The following CABIN1 variants were observed in gnomAD, a reference collection of about 807,000 sequenced individuals.
CABIN1 encodes calcineurin binding protein 1, also known as calcineurin-binding protein cabin-1.
A neutral mutation model predicts 227.7 loss-of-function variants in CABIN1; 133 were observed. That is an observed-to-expected ratio of 0.58 (90% CI 0.51 to 0.67). CABIN1 has a LOEUF of 0.67. Ranked by LOEUF, CABIN1 falls within the 30% of genes least tolerant of loss-of-function variation. The pLI is 0.00. For synonymous variants in CABIN1, 1,086 were observed against 1,155.1 expected (o/e 0.94, Z 1.21); for missense variants, 2,408 against 2,852.5 (o/e 0.84, Z 3.55).
chr22:24,164,697 TC>T (rs1438499693), intron 30 of CABIN1, 134 bp downstream of exon 30: 2 of 1,050,674 alleles, frequency 1.9e-6, no homozygotes, highest in African/African-American at 3.1e-5. Flanking sequence ...CTCTTCATTC[TC>T]CTTGGGGGCC....
At chr22:24,017,073 C>T (rs2035349697) in intron 1 of CABIN1, among the ~76,000 whole-genome samples, 1 of 147,396 alleles carries the variant, frequency 6.8e-6, no homozygotes, top group Non-Finnish European at 1.5e-5. Flanking sequence ...ATGGAGTCTC[C>T]CTCACCAGGC....
intron 26 of CABIN1, among the ~76,000 whole-genome samples, chr22:24,108,149 C>T (rs2042619236): frequency 1.3e-5 from 2 of 152,200 alleles, no homozygotes; most frequent in African/African-American, 2.4e-5. Context: ...CAATGGCAAT[C>T]GTGTTAAAAA....
At chr22:24,091,549 G>C in intron 23 of CABIN1, 34 bp from the exon 24 acceptor site, 1 of 1,613,958 alleles carries the variant, frequency 6.2e-7, no homozygotes, top group Non-Finnish European at 8.5e-7. Context: ...AGGTTCAGGC[G>C]TAAGGCCAGC....
Position 24,067,159 on chromosome 22 carries a change from C to G in CABIN1, c.2210C>G (p.Pro737Arg). 6.2e-7 allele frequency: 1 copy of G among 1,614,258 alleles called. No individual in the cohort carries two copies. Among genetic ancestry groups the G allele is most frequent in the Non-Finnish European group, 8.5e-7 (1 of 1,180,048 alleles). Reference sequence around the variant, plus strand: ...TTTATGACTTCCATTCCTGAGAGGCCAGCCCAGCTGCTTCTTCTGCAGGTG... The same window carrying G: ...TTTATGACTTCCATTCCTGAGAGGCGAGCCCAGCTGCTTCTTCTGCAGGTG... ...LEFMTSIPERPAQLLLLQDSL... is the reference protein window; with the variant it reads ...LEFMTSIPERRAQLLLLQDSL... The change falls in exon 16 of 37, where the codon CCA (proline) becomes CGA (arginine). Residue 737 changes from proline (P) to arginine (R), a missense_variant. Physicochemically the swap from Pro to Arg is moderately radical, Grantham distance 103. Transcript: ENST00000263119.
chr22:24,116,546 C>G (rs948129815), intron 27 of CABIN1, among the ~76,000 whole-genome samples: 1 of 152,208 alleles, frequency 6.6e-6, no homozygotes, highest in Non-Finnish European at 1.5e-5. Context: ...GCCTGCCCAC[C>G]CTTTGTGGAA....
At chr22:24,169,908 C>T (rs2148738045) in intron 33 of CABIN1, among the ~76,000 whole-genome samples, 1 of 152,352 alleles carries the variant, frequency 6.6e-6, no homozygotes, top group South Asian at 2.1e-4. Context: ...CATATTGGGG[C>T]CCCTGAGGGC....
intron 7 of CABIN1, among the ~76,000 whole-genome samples, chr22:24,049,609 C>A (rs183578772): frequency 2.4e-4 from 37 of 152,296 alleles, no homozygotes; most frequent in Non-Finnish European, 4.4e-5. Context: ...CATGTGCCAC[C>A]CCTGCCTTGC....
At chr22:24,112,261 G>A (rs1195749290) in intron 26 of CABIN1, among the ~76,000 whole-genome samples, 1 of 152,158 alleles carries the variant, frequency 6.6e-6, no homozygotes, top group Non-Finnish European at 1.5e-5. Flanking sequence ...TCCCTCTTTT[G>A]TTTCTAGGCT....
chr22:24,175,874 G>A (rs554338566), intron 34 of CABIN1: 3 of 614,158 alleles, frequency 4.9e-6, no homozygotes, highest in Non-Finnish European at 5.9e-6. Flanking sequence ...TAGCCCTCTC[G>A]GGAGGCGGAG....
In CABIN1 at chr22:24,074,912, A is replaced by G. The variant is rs150994892; in HGVS notation, c.2633-1257A>G. ...TGGTTGCATTTAAGAGCCAAAAGTA[A>G]CAGGGCATGGTGGCTCACTCCTGTA... On this transcript the variant is annotated intron_variant, in intron 18 of 36. Coordinates refer to ENST00000263119, the MANE Select transcript of CABIN1 (RefSeq NM_012295.4). Among the ~76,000 whole-genome samples the G allele has an allele frequency of 8.9e-4, 135 of 152,336 alleles. 1 individual carries two copies. Among genetic ancestry groups the G allele is most frequent in the African/African-American group, 3.2e-3 (131 of 41,570 alleles).
At position 24,062,939 on chromosome 22, in the gene CABIN1, G is replaced by A. The variant is rs749564019; in HGVS notation, c.1697-20G>A. 24 of 1,612,938 alleles carry A rather than the reference G, an allele frequency of 1.5e-5. No individual in the cohort carries two copies. The East Asian group carries it at 2.5e-4, about 16-fold the overall frequency. The stretch of plus-strand genomic sequence containing the variant: ...AGAATGCTACACATGAAGTTGACTC[G>A]TTGGCCTGATGGTTTTTAGTGTCTC... On this transcript the variant is annotated intron_variant, in intron 13 of 36. Coordinates refer to ENST00000263119, the MANE Select transcript of CABIN1 (RefSeq NM_012295.4).
chr22:24,076,161 T>C lies in CABIN1; in HGVS notation c.2633-8T>C. ...AACTCTGTGTCTGTCGGCCTGGGCTTTCCCTAGGGATGTCAGAGACGCCCA... is the reference window on the plus strand; with the variant it reads ...AACTCTGTGTCTGTCGGCCTGGGCTCTCCCTAGGGATGTCAGAGACGCCCA... On this transcript the variant is annotated splice_polypyrimidine_tract_variant and splice_region_variant and intron_variant, in intron 18 of 36. Transcript: ENST00000263119. 1 of 1,612,166 alleles carries C rather than the reference T, an allele frequency of 6.2e-7. No homozygotes were observed. Among genetic ancestry groups the C allele is most frequent in the Non-Finnish European group, 8.5e-7 (1 of 1,178,254 alleles).
chr22:24,055,283 T>C, intron 9 of CABIN1, 124 bp downstream of exon 9: 1 of 1,157,770 alleles, frequency 8.6e-7, no homozygotes, highest in South Asian at 1.5e-5. Flanking sequence ...ATGACTCAAG[T>C]GGAAGTGGGA....
In CABIN1 at chr22:24,085,027, G is replaced by A; in HGVS notation, c.3139G>A (p.Ala1047Thr). 9.3e-6 allele frequency: 15 copies of A among 1,614,184 alleles called. No homozygotes were observed. Among genetic ancestry groups the A allele is most frequent in the Non-Finnish European group, 1.3e-5 (15 of 1,180,034 alleles). ...STEVPCLPEGADPSPPVVNEL... is the reference protein window; with the variant it reads ...STEVPCLPEGTDPSPPVVNEL... ...CCAGGTACCCTGCCTCCCAGAGGGGGCTGACCCCTCCCCTCCAGTGGTGAA... is the reference window on the plus strand; with the variant it reads ...CCAGGTACCCTGCCTCCCAGAGGGGACTGACCCCTCCCCTCCAGTGGTGAA... Residue 1047 changes from alanine to threonine, a missense_variant, in exon 22 of 37, where the codon GCT (alanine) becomes ACT (threonine). Ala to Thr is a moderately conservative substitution (Grantham distance 58). This residue lies in a region of CABIN1 where 649 missense variants were observed against 910.3 expected (regional missense o/e 0.71). Coordinates refer to ENST00000263119, the MANE Select transcript of CABIN1 (RefSeq NM_012295.4).
At chr22:24,164,312 G>A (rs1428250468) in intron 29 of CABIN1, 88 bp from the exon 30 acceptor site, 8 of 1,537,710 alleles carry the variant, frequency 5.2e-6, no homozygotes, top group Non-Finnish European at 6.2e-6. Flanking sequence ...TTGGCACTGT[G>A]GCAGTTTCCA....
At position 24,137,189 on chromosome 22, in the gene CABIN1, G is replaced by C. The variant is rs1325307573; in HGVS notation, c.4746+2774G>C. Among the ~76,000 whole-genome samples, 3 of 152,154 alleles carry C rather than the reference G, an allele frequency of 2.0e-5. No homozygotes were observed. The East Asian group carries it at 5.8e-4, about 29-fold the overall frequency. ...CTCCTTTTGGTGCTTTGCCCTTAAA[G>C]CCTGTGCAGTGATATTGGAAGGAAG... On this transcript the variant is annotated intron_variant, in intron 29 of 36. Transcript: ENST00000263119.
chr22:24,051,233 C>T (rs2038309909), intron 8 of CABIN1, among the ~76,000 whole-genome samples: 1 of 152,284 alleles, frequency 6.6e-6, no homozygotes, highest in South Asian at 2.1e-4. Context: ...CTGCCACATT[C>T]CTGTAAGGCC....
In CABIN1 at chr22:24,059,269, T is replaced by A; in HGVS notation, c.1305T>A (p.Asn435Lys). The A allele has an allele frequency of 6.2e-7, 1 of 1,614,238 alleles. No homozygotes were observed. The highest frequency in any genetic ancestry group is 1.1e-5 in the South Asian group (1 of 91,080). ...LDPEEEDDSF[N>K]NYEVQSEAKL... ...CTGAGGAGGAAGATGATTCCTTTAA[T>A]AACTATGAAGTCCAGTCAGAAGCCA... is the stretch of plus-strand genomic sequence containing the variant. Residue 435 changes from asparagine to lysine, a missense_variant, in exon 11 of 37, where the codon AAT (asparagine) becomes AAA (lysine). Physicochemically the swap from Asn to Lys is moderately conservative, Grantham distance 94 (BLOSUM62 0). Transcript: ENST00000263119.
chr22:24,057,519 T>G (rs998918131), intron 10 of CABIN1, among the ~76,000 whole-genome samples: 1 of 152,238 alleles, frequency 6.6e-6, no homozygotes, highest in Non-Finnish European at 1.5e-5. Flanking sequence ...CCTTCGTTGT[T>G]ACTGGAATGG....
Sources: gnomAD v4.1 joint callset for allele counts (sites outside exome capture counted in the v4.1 genomes callset) on GRCh38, gnomAD v4.1.1 for gene constraint, gnomAD v4.1.1 regional missense constraint, MANE v1.5 for transcripts, NCBI Gene and HGNC (gene_info 2026-07-23, HGNC 2026-07-21) for gene names.